GALNT2: variants seen among roughly 807,000 people sequenced by gnomAD.
The protein encoded by GALNT2 is UDP-GalNAc:polypeptide N-acetylgalactosaminyltransferase 2.
GALNT2 carries 31 observed loss-of-function variants against 81.4 expected under a neutral mutation model. That is an observed-to-expected ratio of 0.38 (90% CI 0.29 to 0.51). GALNT2 has a LOEUF of 0.51. Ranked by LOEUF, GALNT2 falls within the 20% of genes least tolerant of loss-of-function variation. The pLI is 0.87. For synonymous variants in GALNT2, 303 were observed against 287.4 expected (o/e 1.05, Z -0.55); for missense variants, 629 against 765.7 (o/e 0.82, Z 2.11).
chr1:230,253,756 C>T (rs1430825939), intron 10 of GALNT2, among the ~76,000 whole-genome samples: 4 of 152,054 alleles, frequency 2.6e-5, no homozygotes, highest in East Asian at 1.9e-4. Flanking sequence ...GTCACCCTAC[C>T]GGGCTGTAGA....
chr1:230,223,771 G>A (rs1044420399), intron 3 of GALNT2, among the ~76,000 whole-genome samples: 3 of 152,148 alleles, frequency 2.0e-5, no homozygotes, highest in Admixed American at 6.5e-5. Flanking sequence ...GTGCCTAGCC[G>A]AAAAGTTCGT....
chr1:230,248,471 G>A (rs929810037), intron 8 of GALNT2, among the ~76,000 whole-genome samples: 1 of 152,212 alleles, frequency 6.6e-6, no homozygotes, highest in Non-Finnish European at 1.5e-5. Context: ...CTATGTGTGT[G>A]ACCCTGGGAG....
intron 11 of GALNT2, chr1:230,262,096 T>G (rs764957406): frequency 6.5e-6 from 1 of 153,402 alleles, no homozygotes; most frequent in Non-Finnish European, 1.5e-5. Context: ...TCTTATCTTA[T>G]GTAGTCTGAA....
chr1:230,276,225 G>T (rs1459522655), intron 15 of GALNT2, among the ~76,000 whole-genome samples: 5 of 151,880 alleles, frequency 3.3e-5, no homozygotes, highest in Non-Finnish European at 5.9e-5. Flanking sequence ...CTTTCTACCT[G>T]CCTTGTAAGC....
At chr1:230,143,733 T>G (rs1002011913) in intron 1 of GALNT2, among the ~76,000 whole-genome samples, 1 of 152,244 alleles carries the variant, frequency 6.6e-6, no homozygotes, top group Non-Finnish European at 1.5e-5. Context: ...GAAAGGGTAT[T>G]GTGCTTGTCT....
At position 230,195,430 on chromosome 1, in the gene GALNT2, G is replaced by T. The variant is rs146662624; in HGVS notation, c.221-7707G>T. Among the ~76,000 whole-genome samples the T allele has an allele frequency of 5.0e-3, 762 of 152,262 alleles. 7 individuals carry two copies. Among genetic ancestry groups the T allele is most frequent in the African/African-American group, 0.018 (731 of 41,554 alleles). ...TGCGTGAGGGGGCAGGAAGAGGCTT[G>T]CAGAGAGAGGAGAAAGAAAAGAGAG... is the stretch of plus-strand genomic sequence containing the variant. On this transcript the variant is annotated intron_variant, in intron 2 of 15. Coordinates refer to ENST00000366672, the MANE Select transcript of GALNT2 (RefSeq NM_004481.5).
chr1:230,222,492 T>C (rs1259979536), intron 3 of GALNT2, among the ~76,000 whole-genome samples: 1 of 152,214 alleles, frequency 6.6e-6, no homozygotes, highest in Admixed American at 6.5e-5. Flanking sequence ...CCGCTATTAT[T>C]ATTTCTCACC....
chr1:230,279,377 C>T lies in GALNT2; in HGVS notation c.1635C>T (p.Ala545=). The T allele has an allele frequency of 2.5e-6, 4 of 1,614,156 alleles. No homozygotes were observed. The highest frequency in any genetic ancestry group is 1.1e-5 in the South Asian group (1 of 91,084). ...ACCTGTGCCTGGACAGTCGCACGGC[C>T]AAGAGCGGGGGCCTAAGCGTGGAGG... ...GSNLCLDSRT[A]KSGGLSVEVC... Residue 545 remains alanine (A), a synonymous_variant, in exon 16 of 16, where the codon GCC becomes GCT. Transcript: ENST00000366672. The surrounding 1 kb of genome is among the most constrained non-coding windows in gnomAD (Gnocchi z 4.6).
intron 1 of GALNT2, among the ~76,000 whole-genome samples, chr1:230,111,124 G>T (rs1198870769): frequency 6.6e-6 from 1 of 152,216 alleles, no homozygotes; most frequent in Non-Finnish European, 1.5e-5. Context: ...TGTGGCATGG[G>T]CATATGGCAC....
At chr1:230,187,605 A>G (rs900320306) in intron 2 of GALNT2, among the ~76,000 whole-genome samples, 2 of 152,224 alleles carry the variant, frequency 1.3e-5, no homozygotes, top group Non-Finnish European at 2.9e-5. Context: ...GTGCAAGGTC[A>G]GTGTGACAGC....
At chr1:230,269,461 C>T (rs193163084) in intron 14 of GALNT2, among the ~76,000 whole-genome samples, 87 of 152,244 alleles carry the variant, frequency 5.7e-4, no homozygotes, top group African/African-American at 1.9e-3. Context: ...GCTGGGGTTA[C>T]AGGCGTGAGC....
At chr1:230,143,821 C>T (rs923700980) in intron 1 of GALNT2, among the ~76,000 whole-genome samples, 3 of 152,248 alleles carry the variant, frequency 2.0e-5, no homozygotes, top group Admixed American at 1.3e-4. Context: ...ATTTAACTGT[C>T]GCCCTGCTCA....
intron 14 of GALNT2, among the ~76,000 whole-genome samples, chr1:230,265,668 T>C (rs1423400822): frequency 6.6e-6 from 1 of 152,216 alleles, no homozygotes; most frequent in South Asian, 2.1e-4. Context: ...AGCTCTGTCC[T>C]CTCGGCCATG....
intron 14 of GALNT2, among the ~76,000 whole-genome samples, chr1:230,269,853 C>T (rs1017801602): frequency 6.6e-6 from 1 of 152,106 alleles, no homozygotes; most frequent in East Asian, 1.9e-4. Flanking sequence ...GCTGTGATTG[C>T]ACCACTACAC....
intron 1 of GALNT2, among the ~76,000 whole-genome samples, chr1:230,058,568 T>C (rs186820210): frequency 8.5e-5 from 13 of 152,324 alleles, no homozygotes; most frequent in Non-Finnish European, 1.6e-4. Flanking sequence ...CACCCTGCTA[T>C]AAAACTGAAA....
intron 1 of GALNT2, among the ~76,000 whole-genome samples, chr1:230,121,403 C>A (rs188828039): frequency 3.3e-5 from 5 of 152,330 alleles, no homozygotes; most frequent in East Asian, 1.9e-4. Context: ...GGCTTTCCTG[C>A]CCTCCCCTGT....
At chr1:230,227,830 G>T (rs758027292) in intron 3 of GALNT2, among the ~76,000 whole-genome samples, 2 of 152,122 alleles carry the variant, frequency 1.3e-5, no homozygotes, top group Non-Finnish European at 2.9e-5. Context: ...TCAAGGCAAG[G>T]TTGTTTTTTA....
intron 15 of GALNT2, among the ~76,000 whole-genome samples, chr1:230,276,642 T>A (rs1400362329): frequency 2.0e-5 from 3 of 152,186 alleles, no homozygotes; most frequent in Non-Finnish European, 4.4e-5. Context: ...CAGCTCTGGG[T>A]GCTCCTCCTT....
chr1:230,224,644 AC>A (rs1664651302), intron 3 of GALNT2, among the ~76,000 whole-genome samples: 1 of 152,184 alleles, frequency 6.6e-6, no homozygotes, highest in Non-Finnish European at 1.5e-5. Flanking sequence ...GAGAATACTC[AC>A]GTATTCTGGG....
Sources: allele counts gnomAD v4.1 joint callset (sites outside exome capture counted in the v4.1 genomes callset), GRCh38; gene constraint gnomAD v4.1.1; non-coding constraint Gnocchi (gnomAD v3.1); transcripts MANE v1.5; gene names NCBI Gene and HGNC (gene_info 2026-07-23, HGNC 2026-07-21).